MAGI1: variants seen among roughly 807,000 people sequenced by gnomAD.
MAGI1 encodes the protein membrane-associated guanylate kinase, WW and PDZ domain-containing protein 1.
Under a neutral mutation model 139.9 loss-of-function variants are expected in MAGI1, and 58 were observed. That is an observed-to-expected ratio of 0.41 (90% CI 0.34 to 0.52). MAGI1 has a LOEUF of 0.52. MAGI1 is among the 20% of genes least tolerant of loss of function. The pLI is 0.12. For missense variants in MAGI1, 1,874 were observed against 1,901.6 expected, an observed-to-expected ratio of 0.99 and a Z score of 0.27; for synonymous variants, 812 against 737.9, an observed-to-expected ratio of 1.10 and a Z score of -1.63.
intron 1 of MAGI1, among the ~76,000 whole-genome samples, chr3:65,793,813 T>C (rs576016579): frequency 6.6e-6 from 1 of 152,336 alleles, no homozygotes; most frequent in African/African-American, 2.4e-5. Flanking sequence ...CAAGAAAATA[T>C]ATTGCACAGC....
Position 65,990,329 on chromosome 3 carries a change from C to A in MAGI1, c.313+47667G>T, listed in dbSNP as rs1192590951. ...GAAAAGTTAAAGATTAGGGAGGTTACTGAGGGAAGACCAACATCTAAATCA... is the reference window on the plus strand; with the variant it reads ...GAAAAGTTAAAGATTAGGGAGGTTAATGAGGGAAGACCAACATCTAAATCA... On this transcript the variant is annotated intron_variant, in intron 1 of 22. Coordinates refer to ENST00000402939, the MANE Select transcript of MAGI1 (RefSeq NM_001033057.2). Among the ~76,000 whole-genome samples the A allele has an allele frequency of 2.0e-5, 3 of 152,162 alleles. No homozygotes were observed. In the East Asian group the frequency reaches 5.8e-4, roughly 29 times the overall value.
intron 2 of MAGI1, among the ~76,000 whole-genome samples, chr3:65,509,778 A>G (rs2077485726): frequency 6.6e-6 from 1 of 151,982 alleles, no homozygotes; most frequent in African/African-American, 2.4e-5. Flanking sequence ...GCAGCTGGGA[A>G]GCTCGAACTG....
intron 1 of MAGI1, among the ~76,000 whole-genome samples, chr3:66,037,393 C>T (rs1294897197): frequency 6.6e-6 from 1 of 152,066 alleles, no homozygotes; most frequent in African/African-American, 2.4e-5. Flanking sequence ...CTCCCCCTCC[C>T]AAGTGTATGG....
chr3:65,959,798 CTTT>C (rs33978400), intron 1 of MAGI1, among the ~76,000 whole-genome samples: 1 of 60,266 alleles, frequency 1.7e-5, no homozygotes, highest in Non-Finnish European at 2.9e-5. Flanking sequence ...TAAATTCTCT[CTTT>C]TTTTTTTTTT....
chr3:66,027,601 C>G lies in MAGI1; in HGVS notation c.313+10395G>C, dbSNP rs531452807. Among the ~76,000 whole-genome samples the G allele has an allele frequency of 2.6e-4, 39 of 152,338 alleles. 1 individual carries two copies. In the South Asian group the frequency reaches 8.1e-3, roughly 32 times the overall value. ...CTGACTTCTCAAGCTAATTTTCTCA[C>G]AGCTGAAATGAGAATAAGCTCATCT... On this transcript the variant is annotated intron_variant, in intron 1 of 22. Transcript: ENST00000402939.
At chr3:65,577,526 G>A (rs1374495833) in intron 2 of MAGI1, among the ~76,000 whole-genome samples, 1 of 152,124 alleles carries the variant, frequency 6.6e-6, no homozygotes, top group African/African-American at 2.4e-5. Flanking sequence ...TGTGCCGGTG[G>A]TGAGTGCCTC....
At chr3:65,364,556 G>T (rs1941222442) in intron 20 of MAGI1, 109 bp downstream of exon 20, 1 of 922,470 alleles carries the variant, frequency 1.1e-6, no homozygotes, top group Non-Finnish European at 1.7e-6. Flanking sequence ...CTCACAAAAG[G>T]TTATTTCTTT....
At chr3:65,958,310 A>G (rs1169518456) in intron 1 of MAGI1, among the ~76,000 whole-genome samples, 1 of 152,224 alleles carries the variant, frequency 6.6e-6, no homozygotes, top group Non-Finnish European at 1.5e-5. Context: ...GAACAACTCT[A>G]TGGAGAAATC....
At chr3:65,423,382 G>A (rs376435294) in intron 12 of MAGI1, among the ~76,000 whole-genome samples, 18 of 141,124 alleles carry the variant, frequency 1.3e-4, no homozygotes, top group Non-Finnish European at 2.6e-4. Context: ...GTGCACACAC[G>A]CGCACACACA....
At chr3:65,507,950 A>G (rs945982200) in intron 2 of MAGI1, among the ~76,000 whole-genome samples, 1 of 152,056 alleles carries the variant, frequency 6.6e-6, no homozygotes, top group Admixed American at 6.5e-5. Flanking sequence ...GCTTCTAAAC[A>G]TTTGCTTGGA....
intron 1 of MAGI1, among the ~76,000 whole-genome samples, chr3:65,845,086 A>G (rs766480008): frequency 2.0e-5 from 3 of 152,084 alleles, no homozygotes; most frequent in Non-Finnish European, 4.4e-5. Flanking sequence ...CCCCGTCTCT[A>G]TTAAAAATAC....
chr3:65,363,570 G>A lies in MAGI1; in HGVS notation c.3390C>T (p.Ala1130=). The A allele has an allele frequency of 6.2e-7, 1 of 1,613,964 alleles. No individual in the cohort carries two copies. Among genetic ancestry groups the A allele is most frequent in the African/African-American group, 1.3e-5 (1 of 74,998 alleles). Residue 1130 remains alanine, a synonymous_variant, in exon 21 of 23, where the codon GCC becomes GCT. Transcript: ENST00000402939. The stretch of plus-strand genomic sequence containing the variant: ...CTCGAAGGCTAAAGCCAAATCCCTT[G>A]GCTCCTCTTTCCAGTTCCACAGTGT... The part of the protein sequence containing the change: ...DFYTVELERG[A]KGFGFSLRGG...
chr3:65,595,066 A>G (rs1218960817), intron 2 of MAGI1, among the ~76,000 whole-genome samples: 3 of 152,238 alleles, frequency 2.0e-5, no homozygotes, highest in Non-Finnish European at 2.9e-5. Context: ...ACTGGTGTCA[A>G]TTAAGCACGG....
intron 1 of MAGI1, among the ~76,000 whole-genome samples, chr3:65,691,076 G>A (rs1427982128): frequency 6.6e-6 from 1 of 151,948 alleles, no homozygotes; most frequent in Non-Finnish European, 1.5e-5. Context: ...GCCGGGGCAG[G>A]CGGATCACAA....
chr3:65,878,503 G>A (rs982304166), intron 1 of MAGI1, among the ~76,000 whole-genome samples: 3 of 136,544 alleles, frequency 2.2e-5, no homozygotes, highest in South Asian at 2.3e-4. Context: ...ACAACAGAGC[G>A]AGACTCAGTC....
At chr3:65,942,073 CACCAT>C (rs1364804374) in intron 1 of MAGI1, among the ~76,000 whole-genome samples, 1 of 152,208 alleles carries the variant, frequency 6.6e-6, no homozygotes, top group African/African-American at 2.4e-5. Flanking sequence ...AGGCGTGAGC[CACCAT>C]ACCCAGCCTT....
At chr3:65,672,487 A>G (rs541007199) in intron 1 of MAGI1, among the ~76,000 whole-genome samples, 6 of 152,164 alleles carry the variant, frequency 3.9e-5, no homozygotes, top group Non-Finnish European at 7.4e-5. Context: ...TACTTTATAT[A>G]CCCATGTGTA....
chr3:65,553,844 C>G (rs572734343), intron 2 of MAGI1, among the ~76,000 whole-genome samples: 1 of 152,310 alleles, frequency 6.6e-6, no homozygotes, highest in Admixed American at 6.5e-5. Context: ...GGCTAATTCT[C>G]AGTTTCGCTA....
chr3:65,754,899 G>T (rs1243640996), intron 1 of MAGI1, among the ~76,000 whole-genome samples: 1 of 151,784 alleles, frequency 6.6e-6, no homozygotes, highest in Non-Finnish European at 1.5e-5. Context: ...GGAAGGGGCT[G>T]GCCAATTAAA....
Sources: allele counts gnomAD v4.1 joint callset (sites outside exome capture counted in the v4.1 genomes callset), GRCh38; gene constraint gnomAD v4.1.1; transcripts MANE v1.5; gene names NCBI Gene and HGNC (gene_info 2026-07-23, HGNC 2026-07-21).